FAM227B: variants seen among roughly 807,000 people sequenced by gnomAD.
The protein encoded by FAM227B is family with sequence similarity 227 member B, also known as protein FAM227B.
A neutral mutation model predicts 73.8 loss-of-function variants in FAM227B; 88 were observed. That is an observed-to-expected ratio of 1.19 (90% CI 1.00 to 1.42). The LOEUF is 1.42. Ranked by LOEUF, FAM227B falls within the 40% of genes most tolerant of loss-of-function variation. The pLI is 0.00. For missense variants in FAM227B, 632 were observed against 590.9 expected, an observed-to-expected ratio of 1.07 and a Z score of -0.72; for synonymous variants, 210 against 190.5, an observed-to-expected ratio of 1.10 and a Z score of -0.84.
chr15:49,474,190 G>C (rs1157568105), intron 11 of FAM227B, among the ~76,000 whole-genome samples: 2 of 152,046 alleles, frequency 1.3e-5, no homozygotes, highest in East Asian at 1.9e-4. Flanking sequence ...TCTGTCTTAG[G>C]CTATCTATAT....
chr15:49,503,200 G>A (rs552919615), intron 11 of FAM227B, among the ~76,000 whole-genome samples: 81 of 152,284 alleles, frequency 5.3e-4, no homozygotes, highest in African/African-American at 1.7e-3. Context: ...AATAAATGGT[G>A]CTGGGAAAAC....
intron 11 of FAM227B, among the ~76,000 whole-genome samples, chr15:49,482,333 A>G (rs1465246841): frequency 6.6e-6 from 1 of 152,120 alleles, no homozygotes; most frequent in African/African-American, 2.4e-5. Context: ...GTGTAAACAC[A>G]TTTTGTAAAT....
chr15:49,592,680 G>A (rs2076652984), intron 3 of FAM227B, among the ~76,000 whole-genome samples: 1 of 152,222 alleles, frequency 6.6e-6, no homozygotes, highest in African/African-American at 2.4e-5. Context: ...TCCATTCTCA[G>A]AGATCAAATG....
At chr15:49,365,828 C>T (rs1193679932) in intron 13 of FAM227B, 1 of 876,198 alleles carries the variant, frequency 1.1e-6, no homozygotes, top group Non-Finnish European at 2.0e-6. Flanking sequence ...AGTCTCACTT[C>T]CATGCTTTTG....
At chr15:49,395,494 G>A (rs975124185) in intron 11 of FAM227B, among the ~76,000 whole-genome samples, 9 of 152,126 alleles carry the variant, frequency 5.9e-5, no homozygotes, top group Non-Finnish European at 1.3e-4. Context: ...AAGCATCTAC[G>A]GATTCTGAGT....
At chr15:49,394,422 G>T (rs867773596) in intron 11 of FAM227B, among the ~76,000 whole-genome samples, 2 of 152,148 alleles carry the variant, frequency 1.3e-5, no homozygotes, top group Admixed American at 1.3e-4. Flanking sequence ...TGGGGAGGTA[G>T]TGCTGGAGAG....
At chr15:49,508,445 C>T (rs558976801) in intron 10 of FAM227B, 97 bp from the exon 11 acceptor site, 6 of 1,140,114 alleles carry the variant, frequency 5.3e-6, no homozygotes, top group African/African-American at 3.2e-5. Flanking sequence ...TACATTTCAT[C>T]CTCACAACAA....
At chr15:49,489,752 A>G (rs2056726390) in intron 11 of FAM227B, among the ~76,000 whole-genome samples, 1 of 138,996 alleles carries the variant, frequency 7.2e-6, no homozygotes, top group African/African-American at 2.6e-5. Context: ...TGTTCTATAT[A>G]TATCTATAGA....
intron 11 of FAM227B, chr15:49,483,383 C>T (rs1449619570): frequency 3.4e-6 from 2 of 582,486 alleles, no homozygotes; most frequent in Non-Finnish European, 6.1e-6. Context: ...TATTAAAACA[C>T]TTTATACTCA....
intron 1 of FAM227B, among the ~76,000 whole-genome samples, chr15:49,616,776 T>C (rs964203017): frequency 6.6e-6 from 1 of 152,234 alleles, no homozygotes; most frequent in African/African-American, 2.4e-5. Flanking sequence ...TTTGGTAAAT[T>C]ATCTTTCAAG....
intron 9 of FAM227B, among the ~76,000 whole-genome samples, chr15:49,542,830 T>C (rs1598053035): frequency 6.6e-6 from 1 of 151,848 alleles, no homozygotes; most frequent in East Asian, 1.9e-4. Context: ...TGAAGGAGGT[T>C]TGTGAACAGA....
chr15:49,596,000 G>A (rs925305156), intron 3 of FAM227B, among the ~76,000 whole-genome samples: 11 of 151,900 alleles, frequency 7.2e-5, no homozygotes, highest in African/African-American at 2.7e-4. Context: ...AAAATAACTG[G>A]TATTCCTGAG....
chr15:49,484,791 C>A, intron 11 of FAM227B: 1 of 242,676 alleles, frequency 4.1e-6, no homozygotes, highest in Non-Finnish European at 7.8e-6. Context: ...TAATTTTTTT[C>A]TTAAATTAAT....
chr15:49,522,816 T>G (rs1413406491), intron 10 of FAM227B, among the ~76,000 whole-genome samples: 1 of 152,156 alleles, frequency 6.6e-6, no homozygotes, highest in Non-Finnish European at 1.5e-5. Context: ...CTATGACTTA[T>G]AGACATTTCT....
At chr15:49,373,576 T>C (rs1010766741) in intron 11 of FAM227B, among the ~76,000 whole-genome samples, 1 of 152,168 alleles carries the variant, frequency 6.6e-6, no homozygotes, top group Non-Finnish European at 1.5e-5. Flanking sequence ...CTGTTCTTAC[T>C]AAGTCTCCAG....
At chr15:49,505,764 T>C (rs914319897) in intron 11 of FAM227B, among the ~76,000 whole-genome samples, 2 of 151,714 alleles carry the variant, frequency 1.3e-5, no homozygotes, top group Non-Finnish European at 2.9e-5. Flanking sequence ...TCAAAACAAA[T>C]AGAAACTAGT....
intron 9 of FAM227B, among the ~76,000 whole-genome samples, chr15:49,550,993 T>C (rs1384525772): frequency 2.0e-5 from 3 of 152,164 alleles, no homozygotes; most frequent in Non-Finnish European, 4.4e-5. Context: ...CTGGGCACCA[T>C]TGAGCACTGA....
At position 49,327,850 on chromosome 15, in the gene FAM227B, TTTC is replaced by T. The variant is rs1386435317; in HGVS notation, c.*715_*717del. The T allele has an allele frequency of 7.1e-6, 8 of 1,122,250 alleles. No homozygotes were observed. Among genetic ancestry groups the T allele is most frequent in the Non-Finnish European group, 1.0e-5 (8 of 795,284 alleles). 69.5% of individuals were successfully genotyped at this position (1,122,250 alleles called of 1,614,324 possible). A position where few individuals can be genotyped will look rare whatever the true frequency, so the allele number is the denominator to read the frequency against. The stretch of plus-strand genomic sequence containing the variant: ...TGACACCTAAAAACCCCGCATGTAT[TTTC>T]TTCTTAGAACTTAGATAGGCTATGT... On this transcript the variant is annotated 3_prime_UTR_variant, in exon 16 of 16. Transcript: ENST00000299338.
intron 8 of FAM227B, among the ~76,000 whole-genome samples, chr15:49,574,536 C>A (rs777313344): frequency 8.5e-5 from 13 of 152,128 alleles, no homozygotes; most frequent in South Asian, 4.1e-4. Context: ...TTGCCTTCCA[C>A]CATGATTGTA....
Sources: allele counts gnomAD v4.1 joint callset (sites outside exome capture counted in the v4.1 genomes callset), GRCh38; gene constraint gnomAD v4.1.1; transcripts MANE v1.5; gene names NCBI Gene and HGNC (gene_info 2026-07-23, HGNC 2026-07-21).